The following STK36 variants were observed in gnomAD, a reference collection of about 807,000 sequenced individuals.
The protein encoded by STK36 is serine/threonine-protein kinase 36.
STK36 carries 116 observed loss-of-function variants against 142.2 expected under a neutral mutation model. The observed-to-expected ratio is 0.82, with a 90% CI of 0.70 to 0.95. The LOEUF (loss-of-function observed/expected upper bound fraction) is 0.95. STK36 is among the 40% of genes least tolerant of loss of function. STK36 has a pLI of 0.00. For missense variants in STK36, 1,422 were observed against 1,617.2 expected (o/e 0.88, Z 2.07); for synonymous variants, 619 against 641.7 (o/e 0.96, Z 0.53).
intron 16 of STK36, 83 bp from the exon 17 acceptor site, chr2:218,693,157 G>T (rs1941079878): frequency 8.6e-7 from 1 of 1,161,776 alleles, no homozygotes; most frequent in African/African-American, 1.5e-5. Context: ...AAGAGACTGA[G>T]AGTCCTGATC....
Position 218,693,949 on chromosome 2 carries a change from C to T in STK36, c.2302C>T (p.Leu768Phe), listed in dbSNP as rs1204581965. The T allele has an allele frequency of 6.2e-7, 1 of 1,614,218 alleles. No individual in the cohort carries two copies. ...STEVTLYFLS[L>F]LVFRLQNLPC... ...TGAAGTGACACTCTACTTCCTCTCC[C>T]TTCTTGTCTTTCGGCTCCAAAACCT... The change falls in exon 19 of 27, where the codon CTT becomes TTT. Residue 768 changes from leucine (L) to phenylalanine (F), a missense_variant. Leu to Phe is a conservative substitution (Grantham distance 22). Around this residue, in one of 2 missense-constraint regions of STK36, gnomAD observed 962 missense variants for 1,167.5 expected, o/e 0.82. Coordinates refer to ENST00000295709, the MANE Select transcript of STK36 (RefSeq NM_015690.5).
At chr2:218,674,811 G>A (rs912780102) in intron 4 of STK36, among the ~76,000 whole-genome samples, 1 of 152,060 alleles carries the variant, frequency 6.6e-6, no homozygotes, top group Admixed American at 6.6e-5. Flanking sequence ...TGCTGGCCAG[G>A]CTGGTCTCGA....
At position 218,675,453 on chromosome 2, in the gene STK36, C is replaced by T. The variant is rs1193094866; in HGVS notation, c.414C>T (p.Gly138=). 6 of 1,611,970 alleles carry T rather than the reference C, an allele frequency of 3.7e-6. No homozygotes were observed. Among genetic ancestry groups the T allele is most frequent in the East Asian group, 4.5e-5 (2 of 44,762 alleles). ...PQNILLAKGG[G]IKLCDFGFAR... ...ACATCCTCCTCGCCAAGGGTGGTGG[C>T]ATCAAGCTCTGTGACTTTGGGTAAA... Residue 138 remains glycine, a synonymous_variant, in exon 5 of 27, where the codon GGC becomes GGT. Transcript: ENST00000295709.
intron 6 of STK36, 115 bp downstream of exon 6, chr2:218,676,393 T>C: frequency 4.5e-6 from 6 of 1,335,086 alleles, no homozygotes; most frequent in South Asian, 1.4e-5. Flanking sequence ...AGTTACTGAA[T>C]TAATGGCTGT....
chr2:218,676,004 A>G (rs970087499), intron 5 of STK36, 25 bp from the exon 6 acceptor site: 6 of 1,610,896 alleles, frequency 3.7e-6, no homozygotes, highest in South Asian at 1.1e-5. Flanking sequence ...TTCCCTTTCC[A>G]TTTCCATCCC....
intron 12 of STK36, among the ~76,000 whole-genome samples, 156 bp from the exon 13 acceptor site, chr2:218,689,703 G>A (rs1940917895): frequency 6.6e-6 from 1 of 152,192 alleles, no homozygotes; most frequent in South Asian, 2.1e-4. Flanking sequence ...CAGATTCTCT[G>A]TTACCCCTAG....
chr2:218,679,109 TAGAG>T (rs1043979389), intron 6 of STK36, 55 bp from the exon 7 acceptor site: 30 of 1,523,078 alleles, frequency 2.0e-5, no homozygotes, highest in Admixed American at 6.7e-5. Context: ...GTTCTGCTGA[TAGAG>T]AGAGACTTAA....
At chr2:218,676,328 C>A in intron 6 of STK36, 50 bp downstream of exon 6, 2 of 1,600,456 alleles carry the variant, frequency 1.2e-6, no homozygotes, top group East Asian at 4.5e-5. Flanking sequence ...ATCTGTCTCC[C>A]TCTATCTCTG....
chr2:218,683,244 GACTACAGGTGT>G (rs1236810227), intron 10 of STK36, among the ~76,000 whole-genome samples: 8 of 151,548 alleles, frequency 5.3e-5, no homozygotes, highest in African/African-American at 1.7e-4. Context: ...GAGTAGCTGA[GACTACAGGTGT>G]ATGGCACCAT....
intron 10 of STK36, among the ~76,000 whole-genome samples, chr2:218,681,258 G>T (rs369382685): frequency 2.0e-5 from 3 of 151,722 alleles, no homozygotes; most frequent in African/African-American, 7.3e-5. Context: ...CTCTTGAGTA[G>T]TGGGATTACA....
intron 1 of STK36, 103 bp downstream of exon 1, chr2:218,672,318 A>G (rs968349203): frequency 1.0e-5 from 4 of 386,224 alleles, no homozygotes; most frequent in Non-Finnish European, 1.9e-5. Context: ...GCTAAACGCC[A>G]GGGAATCCGT....
rs1940219239 is a variant in STK36, at chr2:218,675,889, C to T, written c.435-140C>T. 4 of 1,065,226 alleles carry T rather than the reference C, an allele frequency of 3.8e-6. 1 individual carries two copies. In the African/African-American group the frequency reaches 6.3e-5, roughly 17 times the overall value. The allele number at this position is 1,065,226 out of a possible 1,614,324, so 66.0% of individuals were successfully genotyped here. On this transcript the variant is annotated intron_variant, in intron 5 of 26. Transcript: ENST00000295709. ...CTCATTTTAGAACCGGAGCTAGAGG[C>T]TGGGACTGCTGCTGGGTCTTCTGGA...
In STK36 at chr2:218,694,311, A is replaced by G. The variant is rs763983467; in HGVS notation, c.2384A>G (p.His795Arg). The G allele has an allele frequency of 2.5e-6, 4 of 1,614,056 alleles. No homozygotes were observed. ...GTTGCTACTCTCTTTACCCATTCGC[A>G]TGTCGTCTCTCTTGTGGTAAGTTTT... Reference protein sequence around the residue: ...SDVATLFTHSHVVSLVSAAAC... With the variant: ...SDVATLFTHSRVVSLVSAAAC... Residue 795 changes from histidine (H) to arginine (R), a missense_variant, in exon 20 of 27, where the codon CAT becomes CGT. Transcript: ENST00000295709. This position sits in a 1 kb window ranked among gnomAD's most constrained non-coding sequence, Gnocchi z 4.4.
Position 218,692,182 on chromosome 2 carries a change from C to G in STK36, c.1804C>G (p.Arg602Gly). The change falls in exon 15 of 27, where the codon CGG becomes GGG. Residue 602 changes from arginine (R) to glycine (G), a missense_variant. By Grantham distance (125) the Arg-to-Gly change is moderately radical. Coordinates refer to ENST00000295709, the MANE Select transcript of STK36 (RefSeq NM_015690.5). ...GTGCGAAGCCATGGATGGGAACAGCCGGGCCATCTCCAAAGCCTTTTACTC... is the reference window on the plus strand; with the variant it reads ...GTGCGAAGCCATGGATGGGAACAGCGGGGCCATCTCCAAAGCCTTTTACTC... ...VLCEAMDGNS[R>G]AISKAFYSSL... 2.5e-6 allele frequency: 4 copies of G among 1,614,174 alleles called. No individual in the cohort carries two copies. In the South Asian group the frequency reaches 3.3e-5, roughly 13 times the overall value.
At chr2:218,673,328 A>AT (rs925401237) in intron 2 of STK36, 3,411 of 385,092 alleles carry the variant, frequency 8.9e-3, no homozygotes, top group Middle Eastern at 0.011. Flanking sequence ...TTTCCTCTTC[A>AT]TTTTTTTTTT....
At chr2:218,676,348 C>A in intron 6 of STK36, 70 bp downstream of exon 6, 1 of 1,569,938 alleles carries the variant, frequency 6.4e-7, no homozygotes, top group South Asian at 1.2e-5. Flanking sequence ...GTTCCTTTTT[C>A]CAAATCCTTT....
intron 13 of STK36, 32 bp from the exon 14 acceptor site, chr2:218,690,418 T>G (rs777605653): frequency 2.5e-6 from 4 of 1,579,214 alleles, no homozygotes; most frequent in Non-Finnish European, 3.5e-6. Context: ...AGTAGAGAGA[T>G]AAGAAATCAT....
At position 218,696,649 on chromosome 2, in the gene STK36, G is replaced by A. The variant is rs143594093; in HGVS notation, c.2586+48G>A. ...ATGGGAAGTAAAGAGAGAGGAACTG[G>A]GCATTTTGGGGAGCCTCTGGACCAG... is the stretch of plus-strand genomic sequence containing the variant. On this transcript the variant is annotated intron_variant, in intron 22 of 26. Coordinates refer to ENST00000295709, the MANE Select transcript of STK36 (RefSeq NM_015690.5). The A allele has an allele frequency of 8.0e-4, 1,270 of 1,582,244 alleles. 3 individuals are homozygous for A. The highest frequency in any genetic ancestry group is 3.0e-3 in the Middle Eastern group (18 of 5,978).
chr2:218,681,981 G>A (rs146162068), intron 10 of STK36, among the ~76,000 whole-genome samples: 1,790 of 152,270 alleles, frequency 0.012, 46 homozygotes, highest in African/African-American at 0.041. Context: ...AGGCTGGAGT[G>A]CAACGGCACG....
Sources: gnomAD v4.1 joint callset for allele counts (sites outside exome capture counted in the v4.1 genomes callset) on GRCh38, gnomAD v4.1.1 for gene constraint, gnomAD v4.1.1 regional missense constraint, Gnocchi (gnomAD v3.1) non-coding constraint, MANE v1.5 for transcripts, NCBI Gene and HGNC (gene_info 2026-07-23, HGNC 2026-07-21) for gene names.